PDZRN4: variants seen among roughly 807,000 people sequenced by gnomAD.
The protein encoded by PDZRN4 is PDZ domain-containing RING finger protein 4.
In PDZRN4, 70 loss-of-function variants were observed where a neutral mutation model predicts 99.0. The observed-to-expected ratio is 0.71, with a 90% CI of 0.58 to 0.86. The LOEUF is 0.86. Ranked by LOEUF, PDZRN4 falls within the 40% of genes least tolerant of loss-of-function variation. The pLI, the probability that PDZRN4 is intolerant of heterozygous loss-of-function variation, is 0.00. For missense variants in PDZRN4, 1,474 were observed against 1,331.2 expected (o/e 1.11, Z -1.67); for synonymous variants, 551 against 501.6 (o/e 1.10, Z -1.32).
At chr12:41,514,983 G>A (rs974349021) in intron 5 of PDZRN4, among the ~76,000 whole-genome samples, 2 of 151,976 alleles carry the variant, frequency 1.3e-5, no homozygotes, top group Admixed American at 1.3e-4. Context: ...TATAAATTTG[G>A]CATGTTCTCT....
chr12:41,383,869 G>A (rs1432191215), intron 3 of PDZRN4, among the ~76,000 whole-genome samples: 1 of 150,808 alleles, frequency 6.6e-6, no homozygotes, highest in Admixed American at 6.6e-5. Context: ...TCAATTTCTT[G>A]TCTTCAAACT....
At position 41,552,750 on chromosome 12, in the gene PDZRN4, G is replaced by C. The variant is rs1398396456; in HGVS notation, c.1298G>C (p.Ser433Thr). 3 of 1,612,442 alleles carry C rather than the reference G, an allele frequency of 1.9e-6. No individual in the cohort carries two copies. The highest frequency in any genetic ancestry group is 2.5e-6 in the Non-Finnish European group (3 of 1,178,720). ...GAAGAAGACACCGGCATTTATGTCA[G>C]CGAGGTAAGAAACGCCATGGAGGGG... Reference protein sequence around the residue: ...DDEEDTGIYVSEVDPNSIAAK... With the variant: ...DDEEDTGIYVTEVDPNSIAAK... Residue 433 changes from serine to threonine, a missense_variant, in exon 6 of 10, where the codon AGC becomes ACC. Ser to Thr is a moderately conservative substitution (Grantham distance 58). Transcript: ENST00000402685.
chr12:41,267,827 C>T (rs1951289241), intron 3 of PDZRN4, among the ~76,000 whole-genome samples: 1 of 151,972 alleles, frequency 6.6e-6, no homozygotes, highest in Admixed American at 6.6e-5. Context: ...GGCAACAGAG[C>T]AAAATCAGTC....
chr12:41,317,517 T>C (rs1024337699), intron 3 of PDZRN4, among the ~76,000 whole-genome samples: 15 of 152,096 alleles, frequency 9.9e-5, no homozygotes. Context: ...TAACCAAATA[T>C]ATGGGAACTG....
chr12:41,342,282 TG>T (rs1261357372), intron 3 of PDZRN4, among the ~76,000 whole-genome samples: 7 of 151,736 alleles, frequency 4.6e-5, no homozygotes, highest in Non-Finnish European at 1.0e-4. Context: ...TTTATAACAG[TG>T]GGCTGGGTAA....
chr12:41,401,499 G>A (rs987294130), intron 3 of PDZRN4, among the ~76,000 whole-genome samples: 4 of 151,854 alleles, frequency 2.6e-5, no homozygotes, highest in East Asian at 1.9e-4. Context: ...ATTAATTATC[G>A]AGTCAGCAAC....
rs866136784 is a variant in PDZRN4 at position 41,189,093 on chromosome 12, G to A, written c.638G>A (p.Gly213Asp). The A allele has an allele frequency of 6.3e-7, 1 of 1,580,736 alleles. No homozygotes were observed. Among genetic ancestry groups the A allele is most frequent in the South Asian group, 1.1e-5 (1 of 87,604 alleles). ...AACTTCGTCGGCGACCTCGGTGGCG[G>A]CCACCGCAGGGTAAGCAAAGGGGGG... Reference protein sequence around the residue: ...VRNFVGDLGGGHRRDGEHKPF... With the variant: ...VRNFVGDLGGDHRRDGEHKPF... The change falls in exon 1 of 10, where the codon GGC becomes GAC. Residue 213 changes from glycine (G) to aspartate (D), a missense_variant. By Grantham distance (94) the Gly-to-Asp change is moderately conservative. Transcript: ENST00000402685.
At chr12:41,333,262 A>G (rs2120997914) in intron 3 of PDZRN4, among the ~76,000 whole-genome samples, 1 of 152,264 alleles carries the variant, frequency 6.6e-6, no homozygotes, top group East Asian at 1.9e-4. Flanking sequence ...TATGCTGCAG[A>G]CATGGAGAGG....
chr12:41,408,131 G>A (rs1176800980), intron 3 of PDZRN4, among the ~76,000 whole-genome samples: 1 of 152,100 alleles, frequency 6.6e-6, no homozygotes, highest in Non-Finnish European at 1.5e-5. Context: ...AATAATTTCA[G>A]GAAATGGATA....
chr12:41,325,634 A>C (rs1026379632), intron 3 of PDZRN4, among the ~76,000 whole-genome samples: 1 of 152,182 alleles, frequency 6.6e-6, no homozygotes, highest in African/African-American at 2.4e-5. Context: ...AGCAACACTC[A>C]AGGCCCAGAA....
chr12:41,256,333 A>G (rs77283066), intron 3 of PDZRN4, among the ~76,000 whole-genome samples: 2,472 of 152,324 alleles, frequency 0.016, 35 homozygotes, highest in East Asian at 0.06. Flanking sequence ...AATGTAAAAG[A>G]AAATATTTAA....
At chr12:41,558,606 T>C (rs1939210588) in intron 7 of PDZRN4, among the ~76,000 whole-genome samples, 1 of 152,198 alleles carries the variant, frequency 6.6e-6, no homozygotes, top group Admixed American at 6.5e-5. Context: ...AGGGATATTG[T>C]GGGCAGGTAA....
chr12:41,224,423 T>C (rs1591974996), intron 3 of PDZRN4, among the ~76,000 whole-genome samples: 1 of 152,210 alleles, frequency 6.6e-6, no homozygotes, highest in East Asian at 1.9e-4. Context: ...GTATTAAATA[T>C]TACTGCCAAA....
chr12:41,402,142 C>T (rs12300543), intron 3 of PDZRN4, among the ~76,000 whole-genome samples: 765 of 5,130 alleles, frequency 0.15, 37 homozygotes, highest in East Asian at 0.26. Context: ...TATATATATA[C>T]ACACACTGAG....
chr12:41,223,813 G>T (rs957609351), intron 3 of PDZRN4, among the ~76,000 whole-genome samples: 6 of 152,194 alleles, frequency 3.9e-5, no homozygotes, highest in Admixed American at 2.0e-4. Flanking sequence ...GGCAGGGGGA[G>T]TTGTCTCACT....
intron 3 of PDZRN4, among the ~76,000 whole-genome samples, chr12:41,233,898 C>G (rs547728692): frequency 1.3e-5 from 2 of 151,706 alleles, no homozygotes; most frequent in Non-Finnish European, 2.9e-5. Context: ...ATGTAACAAG[C>G]CTGCATGTTG....
At chr12:41,311,752 A>G (rs1238433350) in intron 3 of PDZRN4, among the ~76,000 whole-genome samples, 1 of 152,238 alleles carries the variant, frequency 6.6e-6, no homozygotes, top group Non-Finnish European at 1.5e-5. Context: ...AGAAACAGAA[A>G]TACATTTATA....
At chr12:41,527,361 G>A (rs551269828) in intron 5 of PDZRN4, among the ~76,000 whole-genome samples, 135 of 152,236 alleles carry the variant, frequency 8.9e-4, no homozygotes, top group Admixed American at 8.0e-3. Flanking sequence ...TGGACTTTAC[G>A]CTACAGGTAA....
intron 3 of PDZRN4, among the ~76,000 whole-genome samples, chr12:41,457,531 G>A (rs1246459244): frequency 2.0e-5 from 3 of 152,136 alleles, no homozygotes; most frequent in East Asian, 1.9e-4. Context: ...GAAGCAATGA[G>A]TTATCTTTCT....
Sources: gnomAD v4.1 joint callset for allele counts (sites outside exome capture counted in the v4.1 genomes callset) on GRCh38, gnomAD v4.1.1 for gene constraint, MANE v1.5 for transcripts, NCBI Gene and HGNC (gene_info 2026-07-23, HGNC 2026-07-21) for gene names.